GRIK3: variants seen among roughly 807,000 people sequenced by gnomAD.
The protein encoded by GRIK3 is glutamate receptor ionotropic, kainate 3.
A neutral mutation model predicts 102.5 loss-of-function variants in GRIK3; 29 were observed. That is an observed-to-expected ratio of 0.28 (90% CI 0.21 to 0.39). GRIK3 has a LOEUF of 0.39. GRIK3 is among the 10% of genes least tolerant of loss of function. GRIK3 has a pLI of 1.00. For missense variants in GRIK3, 908 were observed against 1,252.4 expected (o/e 0.73, Z 4.15); for synonymous variants, 511 against 504.9 (o/e 1.01, Z -0.16).
intron 11 of GRIK3, 88 bp downstream of exon 11, chr1:36,825,515 T>C (rs1023462340): frequency 3.7e-6 from 3 of 816,736 alleles, no homozygotes; most frequent in African/African-American, 1.7e-5. Flanking sequence ...CCTTGGGCTT[T>C]CTGTGCCAGG....
chr1:37,005,262 C>T (rs528927836), intron 1 of GRIK3, among the ~76,000 whole-genome samples: 108 of 152,278 alleles, frequency 7.1e-4, no homozygotes, highest in Non-Finnish European at 1.2e-3. Context: ...GGACCAGGCC[C>T]CATACCTTAC....
chr1:36,985,281 G>T (rs945182592), intron 1 of GRIK3, among the ~76,000 whole-genome samples: 1 of 152,112 alleles, frequency 6.6e-6, no homozygotes, highest in African/African-American at 2.4e-5. Context: ...CCCTCCTCTG[G>T]CTCCAAAGCA....
At chr1:36,926,413 T>C (rs1272954370) in intron 1 of GRIK3, among the ~76,000 whole-genome samples, 3 of 151,260 alleles carry the variant, frequency 2.0e-5, no homozygotes, top group Middle Eastern at 3.2e-3. Context: ...TTTTTTGAGA[T>C]GGAGTCTCAC....
chr1:36,909,231 C>T (rs1183179988), intron 1 of GRIK3, among the ~76,000 whole-genome samples: 7 of 152,020 alleles, frequency 4.6e-5, no homozygotes, highest in Non-Finnish European at 8.8e-5. Flanking sequence ...CCATTGGCAG[C>T]CTGAAATCGG....
intron 1 of GRIK3, among the ~76,000 whole-genome samples, chr1:37,011,545 T>A (rs1257113472): frequency 6.6e-6 from 1 of 152,148 alleles, no homozygotes; most frequent in African/African-American, 2.4e-5. Flanking sequence ...GGAGTCAGGA[T>A]TCAAAGATAG....
chr1:36,973,054 A>G (rs61770583), intron 1 of GRIK3, among the ~76,000 whole-genome samples: 41 of 152,308 alleles, frequency 2.7e-4, no homozygotes, highest in Admixed American at 6.5e-4. Flanking sequence ...TCAGTGACCC[A>G]TGCCAGTCTG....
intron 11 of GRIK3, 137 bp downstream of exon 11, chr1:36,825,466 T>C (rs1014043876): frequency 2.8e-5 from 15 of 537,828 alleles, no homozygotes; most frequent in Non-Finnish European, 3.3e-5. Flanking sequence ...ATCTGAGCCA[T>C]AGGGAGTGGA....
intron 10 of GRIK3, among the ~76,000 whole-genome samples, chr1:36,826,673 C>CA (rs1168000653): frequency 3.5e-4 from 38 of 108,310 alleles, no homozygotes; most frequent in Middle Eastern, 4.1e-3. Context: ...GATCTTGTTT[C>CA]AAAAAATAAA....
Position 36,800,399 on chromosome 1 carries a change from A to C in GRIK3, c.*1452T>G, listed in dbSNP as rs1489697657. The C allele has an allele frequency of 6.6e-6, 1 of 152,192 alleles. No homozygotes were observed. The highest frequency in any genetic ancestry group is 1.5e-5 in the Non-Finnish European group (1 of 68,036). 9.4% of individuals were successfully genotyped at this position (152,192 alleles called of 1,614,324 possible). On this transcript the variant is annotated 3_prime_UTR_variant, in exon 16 of 16. Coordinates refer to ENST00000373091, the MANE Select transcript of GRIK3 (RefSeq NM_000831.4). Reference sequence around the variant, plus strand: ...TGTCTCATTCTTTTCCAAGACTCTTAAAGTCACAGACCTCTAGAGCATTCA... The same window carrying C: ...TGTCTCATTCTTTTCCAAGACTCTTCAAGTCACAGACCTCTAGAGCATTCA...
intron 1 of GRIK3, among the ~76,000 whole-genome samples, chr1:36,909,597 G>A (rs770514998): frequency 1.1e-4 from 16 of 152,178 alleles, no homozygotes; most frequent in Non-Finnish European, 1.8e-4. Flanking sequence ...CACTGCGCCC[G>A]GCCTTTTTTT....
In GRIK3 at chr1:36,847,289, T is replaced by C. The variant is rs545800996; in HGVS notation, c.1326+3022A>G. 1.1e-4 allele frequency among the ~76,000 whole-genome samples: 16 copies of C among 152,218 alleles called. No individual in the cohort carries two copies. In the South Asian group the frequency reaches 3.3e-3, roughly 32 times the overall value. On this transcript the variant is annotated intron_variant, in intron 9 of 15. Coordinates refer to ENST00000373091, the MANE Select transcript of GRIK3 (RefSeq NM_000831.4). The stretch of plus-strand genomic sequence containing the variant: ...AGGCTGCAAACCCTAATGCCTCCAA[T>C]GGCCAGCTGAGAAACACAACTATAA...
At chr1:37,012,838 T>A (rs1393494213) in intron 1 of GRIK3, among the ~76,000 whole-genome samples, 1 of 152,234 alleles carries the variant, frequency 6.6e-6, no homozygotes, top group African/African-American at 2.4e-5. Context: ...CTGCTCTGCC[T>A]ACCCTGCTCA....
rs2124189716 is a variant in GRIK3 at position 36,817,345 on chromosome 1, T to A, written c.1874-68A>T. ...ACTAGCGCTGCTCAAGTCCCCTGGG[T>A]CATGGATTCCTCTGATACTCTAATG... On this transcript the variant is annotated intron_variant, in intron 12 of 15. Coordinates refer to ENST00000373091, the MANE Select transcript of GRIK3 (RefSeq NM_000831.4). 3 of 1,049,170 alleles carry A rather than the reference T, an allele frequency of 2.9e-6. No homozygotes were observed. The East Asian group carries it at 7.1e-5, about 25-fold the overall frequency. 65.0% of individuals were successfully genotyped at this position (1,049,170 alleles called of 1,614,324 possible).
intron 11 of GRIK3, among the ~76,000 whole-genome samples, chr1:36,823,365 T>G (rs1642717638): frequency 6.7e-6 from 1 of 150,162 alleles, no homozygotes; most frequent in Middle Eastern, 3.5e-3. Context: ...TCCCAGCTAC[T>G]TGGGAGGCTG....
At chr1:37,028,561 G>T (rs75979530) in intron 1 of GRIK3, among the ~76,000 whole-genome samples, 1 of 152,190 alleles carries the variant, frequency 6.6e-6, no homozygotes, top group East Asian at 1.9e-4. Context: ...AATTCAGAGT[G>T]GTAGAGCCCA....
At chr1:36,963,307 G>C (rs1236064415) in intron 1 of GRIK3, among the ~76,000 whole-genome samples, 1 of 152,084 alleles carries the variant, frequency 6.6e-6, no homozygotes, top group African/African-American at 2.4e-5. Flanking sequence ...AACAGCTCTG[G>C]GAATAAACAA....
chr1:36,888,226 A>G (rs1158849207), intron 2 of GRIK3, among the ~76,000 whole-genome samples: 1 of 152,234 alleles, frequency 6.6e-6, no homozygotes, highest in Non-Finnish European at 1.5e-5. Flanking sequence ...GAAGACCAGT[A>G]TATTCAACCA....
At chr1:36,909,886 A>AT (rs1269531194) in intron 1 of GRIK3, among the ~76,000 whole-genome samples, 1 of 152,100 alleles carries the variant, frequency 6.6e-6, no homozygotes, top group Non-Finnish European at 1.5e-5. Flanking sequence ...TAGTGCCTAT[A>AT]TTTTTTAAAT....
chr1:36,934,574 G>A (rs570131480), intron 1 of GRIK3, among the ~76,000 whole-genome samples: 32 of 152,180 alleles, frequency 2.1e-4, no homozygotes, highest in African/African-American at 7.7e-4. Flanking sequence ...AGCCTTTCCC[G>A]ACCTCCCAGT....
Sources: gnomAD v4.1 joint callset for allele counts (sites outside exome capture counted in the v4.1 genomes callset) on GRCh38, gnomAD v4.1.1 for gene constraint, MANE v1.5 for transcripts, NCBI Gene and HGNC (gene_info 2026-07-23, HGNC 2026-07-21) for gene names.